PCDHGA1: variants seen among roughly 807,000 people sequenced by gnomAD.
PCDHGA1 encodes the protein protocadherin gamma-A1.
PCDHGA1 carries 32 observed loss-of-function variants against 58.0 expected under a neutral mutation model. That is an observed-to-expected ratio of 0.55 (90% CI 0.42 to 0.74). The LOEUF (loss-of-function observed/expected upper bound fraction) is 0.74, where lower values mean the gene tolerates loss of function less well. Ranked by LOEUF, PCDHGA1 falls within the 30% of genes least tolerant of loss-of-function variation. The probability of loss-of-function intolerance (pLI) is 0.00; values close to 1 mark genes in which losing one functional copy is unlikely to be tolerated. For missense variants in PCDHGA1, 1,205 were observed against 1,182.3 expected (o/e 1.02, Z -0.28); for synonymous variants, 498 against 501.1 (o/e 0.99, Z 0.08).
chr5:141,465,995 A>C lies in PCDHGA1; in HGVS notation c.2422-28812A>C, dbSNP rs551920109. On this transcript the variant is annotated intron_variant, in intron 1 of 3. Coordinates refer to ENST00000517417, the MANE Select transcript of PCDHGA1 (RefSeq NM_018912.3). ...AAATTAGCCGGGCATGGTGGCAGGC[A>C]CCTGTAGTCCCAGCTACTCGGGAGG... Among the ~76,000 whole-genome samples the C allele has an allele frequency of 1.3e-4, 20 of 151,982 alleles. No homozygotes were observed. In the South Asian group the frequency reaches 4.2e-3, roughly 32 times the overall value.
chr5:141,449,718 G>A (rs2098653155), intron 1 of PCDHGA1, among the ~76,000 whole-genome samples: 2 of 150,760 alleles, frequency 1.3e-5, no homozygotes, highest in Admixed American at 6.6e-5. Flanking sequence ...ATTTTTATAT[G>A]ATATGATTTT....
chr5:141,439,368 A>C (rs1346879772), intron 1 of PCDHGA1, among the ~76,000 whole-genome samples: 1 of 152,192 alleles, frequency 6.6e-6, no homozygotes, highest in East Asian at 1.9e-4. Flanking sequence ...CATCAAGAAG[A>C]AATAAAAATA....
rs1230384508 is a variant in PCDHGA1 at position 141,490,990 on chromosome 5, C to T, written c.2422-3817C>T. On this transcript the variant is annotated intron_variant, in intron 1 of 3. Coordinates refer to ENST00000517417, the MANE Select transcript of PCDHGA1 (RefSeq NM_018912.3). The surrounding 1 kb of genome is among the most constrained non-coding windows in gnomAD (Gnocchi z 5.4). ...CCCCCAGCGTCTCCCTCGCTCTGCT[C>T]CTCCTGGCTCCTTGGTCACCAAGGT... 6 of 1,614,102 alleles carry T rather than the reference C, an allele frequency of 3.7e-6. No homozygotes were observed. The highest frequency in any genetic ancestry group is 1.3e-5 in the African/African-American group (1 of 75,064).
Position 141,485,519 on chromosome 5 carries a change from A to T in PCDHGA1, c.2422-9288A>T. ...GTTTGTCACCGAAGGTCCTTTGGAA[A>T]TGTACCGAGCAGAGGTAGAGATCGT... On this transcript the variant is annotated intron_variant, in intron 1 of 3. Transcript: ENST00000517417. The surrounding 1 kb of genome is among the most constrained non-coding windows in gnomAD (Gnocchi z 5.7). The T allele has an allele frequency of 6.2e-7, 1 of 1,614,150 alleles. No individual in the cohort carries two copies. The highest frequency in any genetic ancestry group is 8.5e-7 in the Non-Finnish European group (1 of 1,180,018).
intron 1 of PCDHGA1, among the ~76,000 whole-genome samples, chr5:141,455,425 A>G (rs2098822334): frequency 1.3e-5 from 2 of 152,168 alleles, no homozygotes; most frequent in African/African-American, 2.4e-5. Flanking sequence ...CGGGGCTCCA[A>G]AAGAGGAGGT....
Position 141,491,930 on chromosome 5 carries a change from G to A in PCDHGA1, c.2422-2877G>A, listed in dbSNP as rs2099735399. On this transcript the variant is annotated intron_variant, in intron 1 of 3. Transcript: ENST00000517417. The surrounding 1 kb of genome is among the most constrained non-coding windows in gnomAD (Gnocchi z 6.9). ...GTGGCGACTGTGGGCGAGGGGAGGT[G>A]GGACCGACCCCCACCCCTACACTCA... 1.6e-6 allele frequency: 2 copies of A among 1,276,580 alleles called. No homozygotes were observed. The highest frequency in any genetic ancestry group is 2.1e-6 in the Non-Finnish European group (2 of 943,112). 79.1% of individuals were successfully genotyped at this position (1,276,580 alleles called of 1,614,324 possible).
At chr5:141,419,576 G>A (rs958064613) in intron 1 of PCDHGA1, 10 of 1,611,766 alleles carry the variant, frequency 6.2e-6, no homozygotes, top group Non-Finnish European at 6.8e-6. Flanking sequence ...CGACGGCTCC[G>A]CGCTCTTCGA....
At chr5:141,464,861 C>G (rs1178430383) in intron 1 of PCDHGA1, among the ~76,000 whole-genome samples, 1 of 152,134 alleles carries the variant, frequency 6.6e-6, no homozygotes, top group Non-Finnish European at 1.5e-5. Flanking sequence ...ACCTTAGCCT[C>G]CCAAGTAGCT....
chr5:141,355,827 C>T, intron 1 of PCDHGA1: 1 of 1,612,834 alleles, frequency 6.2e-7, no homozygotes, highest in Non-Finnish European at 8.5e-7. Context: ...CGGTTCACCA[C>T]CTCGTTCTCA....
chr5:141,393,307 ACTC>A, intron 1 of PCDHGA1: 1 of 1,613,594 alleles, frequency 6.2e-7, no homozygotes, highest in East Asian at 2.2e-5. Flanking sequence ...GTGGGCGTGA[ACTC>A]CCTCCAGAGC....
intron 1 of PCDHGA1, among the ~76,000 whole-genome samples, chr5:141,437,434 G>T (rs183505868): frequency 2.6e-5 from 4 of 152,194 alleles, no homozygotes; most frequent in East Asian, 3.8e-4. Context: ...AGCAGCAATA[G>T]CATAGGAATG....
At chr5:141,436,042 T>A (rs1246680632) in intron 1 of PCDHGA1, among the ~76,000 whole-genome samples, 4 of 152,182 alleles carry the variant, frequency 2.6e-5, no homozygotes, top group Non-Finnish European at 5.9e-5. Context: ...TGTATTTACA[T>A]TAGTTTTCAA....
chr5:141,345,252 G>A, intron 1 of PCDHGA1: 1 of 1,613,946 alleles, frequency 6.2e-7, no homozygotes, highest in Non-Finnish European at 8.5e-7. Flanking sequence ...CTTAGTGACG[G>A]CCACATCCCT....
rs758216080 is a variant in PCDHGA1, at chr5:141,398,809, C to A, written c.2421+65704C>A. 1.3e-5 allele frequency: 21 copies of A among 1,613,854 alleles called. No individual in the cohort carries two copies. In the South Asian group the frequency reaches 2.1e-4, roughly 16 times the overall value. On this transcript the variant is annotated intron_variant, in intron 1 of 3. Coordinates refer to ENST00000517417, the MANE Select transcript of PCDHGA1 (RefSeq NM_018912.3). ...TCCACCCCTAAGCGGCACCACTGAG[C>A]TCCGGATCCAGGTAACCGACGCCAA...
intron 1 of PCDHGA1, chr5:141,355,665 T>C: frequency 6.2e-7 from 1 of 1,614,016 alleles, no homozygotes; most frequent in Non-Finnish European, 8.5e-7. Context: ...TTCCTCTTCC[T>C]GAAGCTTTTG....
chr5:141,343,657 T>G lies in PCDHGA1; in HGVS notation c.2421+10552T>G, dbSNP rs11744844. On this transcript the variant is annotated intron_variant, in intron 1 of 3. Coordinates refer to ENST00000517417, the MANE Select transcript of PCDHGA1 (RefSeq NM_018912.3). Reference sequence around the variant, plus strand: ...TTGAGGTGACACTGTTTAACATATATCGATTCAATTATGTTCAATCAACAC... The same window carrying G: ...TTGAGGTGACACTGTTTAACATATAGCGATTCAATTATGTTCAATCAACAC... 5.1e-3 allele frequency among the ~76,000 whole-genome samples: 770 copies of G among 152,322 alleles called. 3 individuals are homozygous for G. The highest frequency in any genetic ancestry group is 7.5e-3 in the Admixed American group (114 of 15,302).
intron 1 of PCDHGA1, among the ~76,000 whole-genome samples, chr5:141,457,755 A>G (rs1011599369): frequency 2.0e-5 from 3 of 152,226 alleles, no homozygotes; most frequent in African/African-American, 4.8e-5. Flanking sequence ...GAGCCCAGAC[A>G]TGGGTTTGTA....
At chr5:141,409,755 G>C (rs2095312141) in intron 1 of PCDHGA1, 1 of 1,613,024 alleles carries the variant, frequency 6.2e-7, no homozygotes, top group Non-Finnish European at 8.5e-7. Flanking sequence ...TTCGCGCAGC[G>C]CGCCTTTGAT....
intron 1 of PCDHGA1, chr5:141,415,466 C>T (rs1187128064): frequency 6.2e-7 from 1 of 1,614,224 alleles, no homozygotes. Flanking sequence ...GTCTCTCTCA[C>T]CGCGGACTCG....
Sources: gnomAD v4.1 joint callset for allele counts (sites outside exome capture counted in the v4.1 genomes callset) on GRCh38, gnomAD v4.1.1 for gene constraint, Gnocchi (gnomAD v3.1) non-coding constraint, MANE v1.5 for transcripts, NCBI Gene and HGNC (gene_info 2026-07-23, HGNC 2026-07-21) for gene names.